ARHGEF17: variants seen among roughly 807,000 people sequenced by gnomAD.
ARHGEF17 encodes Rho guanine nucleotide exchange factor 17.
In ARHGEF17, 80 loss-of-function variants were observed where a neutral mutation model predicts 174.0. The ratio of observed to expected loss-of-function variants is 0.46; its 90% CI spans 0.38 to 0.55. ARHGEF17 has a LOEUF of 0.55. Among genes scored for constraint, ARHGEF17 ranks in the 20% least tolerant of loss-of-function variants. The pLI is 0.00. For synonymous variants in ARHGEF17, 1,311 were observed against 1,189.1 expected (o/e 1.10, Z -2.11); for missense variants, 2,886 against 2,839.7 (o/e 1.02, Z -0.37).
chr11:73,362,061 C>G lies in ARHGEF17; in HGVS notation c.4516C>G (p.Leu1506Val), dbSNP rs1194574206. Residue 1506 changes from leucine (L) to valine (V), a missense_variant, in exon 13 of 21, where the codon CTG (leucine) becomes GTG (valine). Around this residue, in one of 4 missense-constraint regions of ARHGEF17, gnomAD observed 476 missense variants for 473.1 expected, o/e 1.01. Transcript: ENST00000263674. ...GMQFSCAAPT[L>V]NSCPEPSPEV... is the part of the protein sequence containing the mutation. ...GCAGTTCTCCTGTGCGGCTCCCACC[C>G]TGAACAGCTGCCCGGAGCCCTCGCC... 1 of 1,612,748 alleles carries G rather than the reference C, an allele frequency of 6.2e-7. No homozygotes were observed. The highest frequency in any genetic ancestry group is 1.7e-5 in the Admixed American group (1 of 60,016).
At chr11:73,351,173 C>T (rs1432550864) in intron 2 of ARHGEF17, among the ~76,000 whole-genome samples, 1 of 152,266 alleles carries the variant, frequency 6.6e-6, no homozygotes, top group Non-Finnish European at 1.5e-5. Context: ...TCCTCACCAT[C>T]ATCCCGGCCT....
At chr11:73,322,276 A>G (rs1380163199) in intron 1 of ARHGEF17, among the ~76,000 whole-genome samples, 2 of 152,134 alleles carry the variant, frequency 1.3e-5, no homozygotes, top group African/African-American at 4.8e-5. Context: ...TGGTGATGAG[A>G]TGTCCAACTT....
At chr11:73,353,599 T>G (rs1865590839) in intron 3 of ARHGEF17, among the ~76,000 whole-genome samples, 1 of 152,182 alleles carries the variant, frequency 6.6e-6, no homozygotes. Flanking sequence ...ATGGAGAGAT[T>G]GGTAACCTGA....
chr11:73,319,256 G>A (rs955933604), intron 1 of ARHGEF17, among the ~76,000 whole-genome samples: 3 of 152,072 alleles, frequency 2.0e-5, no homozygotes, highest in Non-Finnish European at 2.9e-5. Context: ...TAGAGACGGG[G>A]TTTCACCATG....
intron 1 of ARHGEF17, among the ~76,000 whole-genome samples, chr11:73,340,424 C>T (rs1471708171): frequency 6.6e-6 from 1 of 152,168 alleles, no homozygotes; most frequent in African/African-American, 2.4e-5. Context: ...CCAGGAAGCC[C>T]TCCCTGAATA....
Position 73,310,885 on chromosome 11 carries a change from G to C in ARHGEF17, c.2247G>C (p.Glu749Asp). 1 of 1,612,992 alleles carries C rather than the reference G, an allele frequency of 6.2e-7. No individual in the cohort carries two copies. Among genetic ancestry groups the C allele is most frequent in the Non-Finnish European group, 8.5e-7 (1 of 1,179,478 alleles). Reference protein sequence around the residue: ...PQRHRAATSEEPTGFSVDSNL... With the variant: ...PQRHRAATSEDPTGFSVDSNL... The stretch of plus-strand genomic sequence containing the variant: ...GCCACCGGGCTGCCACCTCTGAAGA[G>C]CCTACTGGGTTCTCTGTGGACAGCA... Residue 749 changes from glutamate to aspartate, a missense_variant, in exon 1 of 21, where the codon GAG (glutamate) becomes GAC (aspartate). Physicochemically the swap from Glu to Asp is conservative, Grantham distance 45. This residue lies in a region of ARHGEF17 where 1,728 missense variants were observed against 1,461.2 expected (regional missense o/e 1.18). Transcript: ENST00000263674.
chr11:73,329,367 A>G (rs1263556627), intron 1 of ARHGEF17, among the ~76,000 whole-genome samples: 3 of 2,380 alleles, frequency 1.3e-3, no homozygotes, highest in African/African-American at 4.0e-3. Flanking sequence ...ATATATATAT[A>G]TATATATTTT....
intron 1 of ARHGEF17, among the ~76,000 whole-genome samples, chr11:73,323,991 C>CA (rs1865061195): frequency 6.6e-6 from 1 of 152,214 alleles, no homozygotes; most frequent in Non-Finnish European, 1.5e-5. Flanking sequence ...GGGTCTTGCT[C>CA]CTCTTCCTGT....
intron 1 of ARHGEF17, among the ~76,000 whole-genome samples, chr11:73,312,572 C>T (rs1342724117): frequency 6.6e-6 from 1 of 152,082 alleles, no homozygotes; most frequent in South Asian, 2.1e-4. Flanking sequence ...GGCCTGAGTT[C>T]TGCCAGAGCC....
At chr11:73,347,613 G>A (rs181943046) in intron 2 of ARHGEF17, among the ~76,000 whole-genome samples, 47 of 152,346 alleles carry the variant, frequency 3.1e-4, no homozygotes, top group African/African-American at 9.4e-4. Flanking sequence ...AGCACAACGC[G>A]CTGGTCCCAT....
rs1452937841 is a variant in ARHGEF17, at chr11:73,309,329, T to A, written c.691T>A (p.Cys231Ser). 1.3e-6 allele frequency: 2 copies of A among 1,589,190 alleles called. No homozygotes were observed. Residue 231 changes from cysteine (C) to serine (S), a missense_variant, in exon 1 of 21, where the codon TGC becomes AGC. Cys to Ser is a moderately radical substitution (Grantham distance 112, BLOSUM62 -1). Transcript: ENST00000263674. Reference protein sequence around the residue: ...SQPQAGARASCSSSSIAASYP... With the variant: ...SQPQAGARASSSSSSIAASYP... ...ACCGCAGGCCGGGGCCCGGGCCTCC[T>A]GCTCCTCCTCCTCCATCGCCGCCTC...
intron 3 of ARHGEF17, among the ~76,000 whole-genome samples, chr11:73,355,044 G>C (rs903575503): frequency 2.6e-5 from 4 of 152,246 alleles, no homozygotes; most frequent in Non-Finnish European, 5.9e-5. Context: ...GAGTACTTCC[G>C]AGAGGAGGCA....
At position 73,310,594 on chromosome 11, in the gene ARHGEF17, T is replaced by C; in HGVS notation, c.1956T>C (p.Pro652=). 1.2e-6 allele frequency: 2 copies of C among 1,614,126 alleles called. No individual in the cohort carries two copies. Among genetic ancestry groups the C allele is most frequent in the Non-Finnish European group, 1.7e-6 (2 of 1,180,022 alleles). The part of the protein sequence containing the change: ...SLTDEGIGAD[P]EPPVAAFCGL... ...CAGATGAAGGCATTGGGGCAGACCC[T>C]GAGCCTCCTGTTGCAGCATTTTGCG... The change falls in exon 1 of 21, where the codon CCT becomes CCC. Residue 652 remains proline (P), a synonymous_variant. Transcript: ENST00000263674.
rs748244056 is a variant in ARHGEF17, at chr11:73,309,338, T to G, written c.700T>G (p.Ser234Ala). 1.2e-6 allele frequency: 2 copies of G among 1,610,342 alleles called. No homozygotes were observed. Among genetic ancestry groups the G allele is most frequent in the Middle Eastern group, 3.5e-4 (2 of 5,766 alleles). ...CGGGGCCCGGGCCTCCTGCTCCTCC[T>G]CCTCCATCGCCGCCTCCTATCCTGT... ...QAGARASCSS[S>A]SIAASYPVSR... is the part of the protein sequence containing the mutation. Residue 234 changes from serine to alanine, a missense_variant, in exon 1 of 21, where the codon TCC (serine) becomes GCC (alanine). By Grantham distance (99) the Ser-to-Ala change is moderately conservative (BLOSUM62 1). Transcript: ENST00000263674.
chr11:73,311,980 G>A, intron 1 of ARHGEF17, 150 bp downstream of exon 1: 1 of 909,920 alleles, frequency 1.1e-6, no homozygotes, highest in East Asian at 2.7e-5. Context: ...GCAGTTTTAA[G>A]AGTTGTTAAT....
intron 3 of ARHGEF17, chr11:73,353,399 T>C (rs993103430): frequency 4.1e-6 from 1 of 244,078 alleles, no homozygotes; most frequent in South Asian, 7.0e-5. Flanking sequence ...CCAAAATAAC[T>C]GCCCTGGTCC....
At chr11:73,351,274 T>G (rs1865548003) in intron 2 of ARHGEF17, among the ~76,000 whole-genome samples, 1 of 152,238 alleles carries the variant, frequency 6.6e-6, no homozygotes, top group Non-Finnish European at 1.5e-5. Flanking sequence ...TAAAAATGTT[T>G]AATATAAATG....
chr11:73,360,614 T>C (rs2134420779), intron 11 of ARHGEF17, 81 bp downstream of exon 11: 2 of 1,497,378 alleles, frequency 1.3e-6, no homozygotes, highest in Non-Finnish European at 1.9e-6. Context: ...TGTCTGTGAC[T>C]TCAGGAGCCA....
chr11:73,349,852 G>A (rs1865524463), intron 2 of ARHGEF17, among the ~76,000 whole-genome samples: 2 of 152,156 alleles, frequency 1.3e-5, no homozygotes, highest in African/African-American at 4.8e-5. Flanking sequence ...AGGGTGTCAC[G>A]TGAACCCAAA....
Sources: allele counts gnomAD v4.1 joint callset (sites outside exome capture counted in the v4.1 genomes callset), GRCh38; gene constraint gnomAD v4.1.1; regional missense constraint gnomAD v4.1.1; transcripts MANE v1.5; gene names NCBI Gene and HGNC (gene_info 2026-07-23, HGNC 2026-07-21).